Variants in ADAM28 observed in about 807,000 individuals in gnomAD.
ADAM28 encodes disintegrin and metalloproteinase domain-containing protein 28.
ADAM28 carries 105 observed loss-of-function variants against 101.2 expected under a neutral mutation model. That is an observed-to-expected ratio of 1.04 (90% CI 0.89 to 1.22). The LOEUF is 1.22. ADAM28 is among the 50% of genes most tolerant of loss of function. ADAM28 has a pLI of 0.00. For missense variants in ADAM28, 1,028 were observed against 945.4 expected (o/e 1.09, Z -1.15); for synonymous variants, 322 against 310.6 (o/e 1.04, Z -0.39).
intron 12 of ADAM28, among the ~76,000 whole-genome samples, chr8:24,331,984 G>T (rs933852520): frequency 2.4e-4 from 37 of 152,200 alleles, no homozygotes; most frequent in African/African-American, 7.5e-4. Context: ...TTATATATTT[G>T]ATTATGTATT....
chr8:24,317,682 G>A (rs1267597837), intron 6 of ADAM28, among the ~76,000 whole-genome samples: 1 of 151,862 alleles, frequency 6.6e-6, no homozygotes, highest in African/African-American at 2.4e-5. Flanking sequence ...AAATGTAAGA[G>A]ACTATATCAA....
At chr8:24,301,425 A>T (rs1247159824) in intron 2 of ADAM28, among the ~76,000 whole-genome samples, 2 of 152,172 alleles carry the variant, frequency 1.3e-5, no homozygotes, top group Non-Finnish European at 2.9e-5. Flanking sequence ...ATGACATGCG[A>T]TTTACCTGTA....
intron 2 of ADAM28, chr8:24,300,903 CTCT>C (rs1448079589): frequency 1.3e-5 from 2 of 152,096 alleles, no homozygotes; most frequent in East Asian, 1.9e-4. Context: ...TCTGAATAGG[CTCT>C]TCTTAATGTT....
At position 24,313,518 on chromosome 8, in the gene ADAM28, G is replaced by A; in HGVS notation, c.514G>A (p.Asp172Asn). 6.2e-7 allele frequency: 1 copy of A among 1,613,912 alleles called. No homozygotes were observed. The highest frequency in any genetic ancestry group is 8.5e-7 in the Non-Finnish European group (1 of 1,179,876). The change falls in exon 6 of 23, where the codon GAT becomes AAT. Residue 172 changes from aspartate to asparagine, a missense_variant. Transcript: ENST00000265769. ...EKNYDSTCGM[D>N]GVLWAHDLQQ... is the part of the protein sequence containing the mutation. ...GAATTATGACAGCACCTGTGGGATG[G>A]ATGGTGTGTTGTGGGCCCACGATTT...
intron 1 of ADAM28, among the ~76,000 whole-genome samples, chr8:24,295,205 C>T (rs1033390448): frequency 9.9e-5 from 15 of 152,082 alleles, no homozygotes; most frequent in Non-Finnish European, 2.9e-5. Context: ...CTTTAAATAT[C>T]GAATTATTTT....
At chr8:24,333,026 A>G (rs1202142037) in intron 13 of ADAM28, among the ~76,000 whole-genome samples, 1 of 152,212 alleles carries the variant, frequency 6.6e-6, no homozygotes, top group African/African-American at 2.4e-5. Flanking sequence ...TACAGCCTGG[A>G]TACACCTGAG....
At chr8:24,340,252 G>A (rs1349865997) in intron 15 of ADAM28, among the ~76,000 whole-genome samples, 2 of 152,118 alleles carry the variant, frequency 1.3e-5, no homozygotes, top group Non-Finnish European at 2.9e-5. Flanking sequence ...ACAAGAGGTT[G>A]CACAAGATCA....
intron 4 of ADAM28, 134 bp downstream of exon 4, chr8:24,310,375 T>A: frequency 1.4e-6 from 1 of 707,194 alleles, no homozygotes; most frequent in Non-Finnish European, 2.2e-6. Context: ...AGCCATTACT[T>A]AAAATATAAA....
At chr8:24,326,658 G>T in intron 10 of ADAM28, 23 bp downstream of exon 10, 1 of 1,589,640 alleles carries the variant, frequency 6.3e-7, no homozygotes, top group Admixed American at 1.7e-5. Flanking sequence ...ATAAACTGTT[G>T]GTTCTATGAT....
chr8:24,330,213 T>A, intron 11 of ADAM28, 98 bp downstream of exon 11: 1 of 1,425,576 alleles, frequency 7.0e-7, no homozygotes, highest in South Asian at 1.5e-5. Context: ...CGTGTTCGAG[T>A]TTTTGAGTCA....
At chr8:24,352,715 T>G (rs1261273012) in intron 21 of ADAM28, among the ~76,000 whole-genome samples, 1 of 152,158 alleles carries the variant, frequency 6.6e-6, no homozygotes, top group Non-Finnish European at 1.5e-5. Context: ...TACAACTAAA[T>G]GAAAGCAATC....
intron 3 of ADAM28, 55 bp from the exon 4 acceptor site, chr8:24,310,108 A>T: frequency 6.3e-7 from 1 of 1,587,200 alleles, no homozygotes; most frequent in Non-Finnish European, 8.6e-7. Flanking sequence ...GAGAATTTCC[A>T]TGGACTTAGC....
chr8:24,325,945 G>A (rs1022251655), intron 9 of ADAM28, among the ~76,000 whole-genome samples: 1 of 144,404 alleles, frequency 6.9e-6, no homozygotes, highest in Non-Finnish European at 1.5e-5. Flanking sequence ...ATTATTGAAG[G>A]TTTATAGAAA....
At chr8:24,333,111 C>G (rs1813572502) in intron 13 of ADAM28, among the ~76,000 whole-genome samples, 1 of 152,002 alleles carries the variant, frequency 6.6e-6, no homozygotes, top group Non-Finnish European at 1.5e-5. Flanking sequence ...ATGTGGAATC[C>G]AAAAACGTTG....
At chr8:24,321,996 C>T (rs1411044490) in intron 8 of ADAM28, among the ~76,000 whole-genome samples, 2 of 151,828 alleles carry the variant, frequency 1.3e-5, no homozygotes, top group Non-Finnish European at 2.9e-5. Context: ...TTGTGGTATC[C>T]TATAAATGCT....
At chr8:24,304,807 A>T (rs1029646736) in intron 2 of ADAM28, among the ~76,000 whole-genome samples, 4 of 151,812 alleles carry the variant, frequency 2.6e-5, no homozygotes, top group Non-Finnish European at 5.9e-5. Context: ...CCCAACTACT[A>T]AGGAGGCTGA....
At chr8:24,311,475 G>A (rs766051444) in intron 5 of ADAM28, 38 bp downstream of exon 5, 2 of 1,560,020 alleles carry the variant, frequency 1.3e-6, no homozygotes, top group African/African-American at 1.4e-5. Flanking sequence ...ACCTGTGATT[G>A]TGGTATTTAT....
chr8:24,309,840 A>G, intron 2 of ADAM28, 54 bp from the exon 3 acceptor site: 3 of 1,283,696 alleles, frequency 2.3e-6, no homozygotes, highest in Admixed American at 3.7e-5. Context: ...TAGAAATATA[A>G]TAGTCAAATG....
At chr8:24,330,702 T>C (rs1171949109) in intron 11 of ADAM28, among the ~76,000 whole-genome samples, 1 of 152,188 alleles carries the variant, frequency 6.6e-6, no homozygotes, top group Non-Finnish European at 1.5e-5. Flanking sequence ...AAACAGCATA[T>C]GGCTGCATGC....
Sources: gnomAD v4.1 joint callset for allele counts (sites outside exome capture counted in the v4.1 genomes callset) on GRCh38, gnomAD v4.1.1 for gene constraint, MANE v1.5 for transcripts, NCBI Gene and HGNC (gene_info 2026-07-23, HGNC 2026-07-21) for gene names.